Variants in MEFV observed in about 807,000 individuals in gnomAD.
MEFV encodes MEFV innate immunity regulator, pyrin.
In MEFV, 60 loss-of-function variants were observed where a neutral mutation model predicts 62.5. The observed-to-expected ratio is 0.96, with a 90% CI of 0.78 to 1.19. The LOEUF (loss-of-function observed/expected upper bound fraction) is 1.19. Among genes scored for constraint, MEFV ranks in the 50% most tolerant of loss-of-function variants. The pLI is 0.00. For missense variants in MEFV, 1,169 were observed against 1,004.5 expected (o/e 1.16, Z -2.21); for synonymous variants, 500 against 415.2 (o/e 1.20, Z -2.48).
At chr16:3,253,479 C>T (rs908626947) in intron 2 of MEFV, among the ~76,000 whole-genome samples, 1 of 152,096 alleles carries the variant, frequency 6.6e-6, no homozygotes, top group Non-Finnish European at 1.5e-5. Context: ...ACCTGATTGC[C>T]TTTTTCAATC....
chr16:3,256,408 G>A lies in MEFV; in HGVS notation c.180C>T (p.Tyr60=), dbSNP rs371505752. Residue 60 remains tyrosine, a synonymous_variant, in exon 1 of 10, where the codon TAC becomes TAT. Transcript: ENST00000219596. The stretch of plus-strand genomic sequence containing the variant: ...GCTGCACGGCGTACTCTTCCCCATA[G>A]TAGGTGACCAGCAGAGTGGCCATCT... ...PVKMATLLVT[Y]YGEEYAVQLT... is the part of the protein sequence containing the mutation. 6.2e-7 allele frequency: 1 copy of A among 1,614,206 alleles called. No individual in the cohort carries two copies. The highest frequency in any genetic ancestry group is 1.7e-5 in the Admixed American group (1 of 60,028).
rs770830323 is a variant in MEFV, at chr16:3,254,438, C to T, written c.630G>A (p.Ala210=). The T allele has an allele frequency of 4.3e-6, 7 of 1,610,784 alleles. 1 individual carries two copies. Among genetic ancestry groups the T allele is most frequent in the South Asian group, 2.2e-5 (2 of 91,032 alleles). The part of the protein sequence containing the change: ...EVRLRRNASS[A]GRLQGLAGGA... ...CCCCCGCCAGCCCCTGCAGCCTCCC[C>T]GCGGAGCTGGCGTTTCTGCGCAGCC... Residue 210 remains alanine, a synonymous_variant, in exon 2 of 10, where the codon GCG becomes GCA. Transcript: ENST00000219596.
At chr16:3,248,756 G>A in intron 4 of MEFV, 153 bp downstream of exon 4, 1 of 985,404 alleles carries the variant, frequency 1.0e-6, no homozygotes, top group Non-Finnish European at 1.2e-6. Context: ...ACAGGGATGA[G>A]CTTACCCTTG....
In MEFV at chr16:3,249,015, A is replaced by C. The variant is rs77086855; in HGVS notation, c.1261-11T>G. 1.7e-3 allele frequency: 2,675 copies of C among 1,613,874 alleles called. 31 individuals carry two copies. In the African/African-American group the frequency reaches 0.029, roughly 17 times the overall value. ...CTTCTGAATTTTCTTCTGGAAAAAC[A>C]GCACTTGTTGAAAAGCTTGAATTTG... On this transcript the variant is annotated splice_polypyrimidine_tract_variant and intron_variant, in intron 3 of 9. Coordinates refer to ENST00000219596, the MANE Select transcript of MEFV (RefSeq NM_000243.3).
At chr16:3,247,327 T>C (rs1958957746) in intron 4 of MEFV, 81 bp from the exon 5 acceptor site, 3 of 1,260,540 alleles carry the variant, frequency 2.4e-6, no homozygotes, top group Non-Finnish European at 3.4e-6. Flanking sequence ...GAAGCCCACC[T>C]CCTGGAGGTG....
chr16:3,256,074 C>T (rs1959111289), intron 1 of MEFV, among the ~76,000 whole-genome samples: 1 of 152,152 alleles, frequency 6.6e-6, no homozygotes, highest in Non-Finnish European at 1.5e-5. Flanking sequence ...TCCTGCCTTT[C>T]GTGACCCTGA....
chr16:3,244,004 T>C (rs1472744408), intron 8 of MEFV, 112 bp from the exon 9 acceptor site: 2 of 1,561,582 alleles, frequency 1.3e-6, no homozygotes. Flanking sequence ...CTTAGGGCCC[T>C]GCATGCTATG....
intron 2 of MEFV, 89 bp downstream of exon 2, chr16:3,254,069 A>C: frequency 2.1e-6 from 3 of 1,456,558 alleles, no homozygotes; most frequent in Non-Finnish European, 1.9e-6. Context: ...TGGCCTCCCA[A>C]AGCGCTGGGA....
In MEFV at chr16:3,243,365, G is replaced by A. The variant is rs104895202; in HGVS notation, c.2122C>T (p.Arg708Cys). 47 of 1,614,042 alleles carry A rather than the reference G, an allele frequency of 2.9e-5. No individual in the cohort carries two copies. The highest frequency in any genetic ancestry group is 5.0e-5 in the Admixed American group (3 of 60,006). Residue 708 changes from arginine to cysteine, a missense_variant, in exon 10 of 10, where the codon CGC becomes TGC. By Grantham distance (180) the Arg-to-Cys change is radical. Coordinates refer to ENST00000219596, the MANE Select transcript of MEFV (RefSeq NM_000243.3). ...EYQASSVPPTRLLIKEPPKRV... is the reference protein window; with the variant it reads ...EYQASSVPPTCLLIKEPPKRV... ...TTGGGAGGCTCCTTTATTAGCAGGC[G>A]GGTCGGGGGAACGCTGGACGCCTGG...
chr16:3,254,420 C>T lies in MEFV; in HGVS notation c.648G>A (p.Leu216=), dbSNP rs912301729. Residue 216 remains leucine (L), a synonymous_variant, in exon 2 of 10, where the codon CTG becomes CTA. Coordinates refer to ENST00000219596, the MANE Select transcript of MEFV (RefSeq NM_000243.3). ...NASSAGRLQG[L]AGGAPGQKEC... The stretch of plus-strand genomic sequence containing the variant: ...CCTTCTGCCCCGGGGCGCCCCCCGC[C>T]AGCCCCTGCAGCCTCCCCGCGGAGC... 7 of 1,612,232 alleles carry T rather than the reference C, an allele frequency of 4.3e-6. No homozygotes were observed. Among genetic ancestry groups the T allele is most frequent in the South Asian group, 3.3e-5 (3 of 91,072 alleles).
chr16:3,249,889 CAGTT>C, intron 2 of MEFV, 109 bp from the exon 3 acceptor site: 2 of 894,360 alleles, frequency 2.2e-6, no homozygotes, highest in Non-Finnish European at 3.6e-6. Context: ...TGCGAGTTCT[CAGTT>C]AGACTCTGCC....
chr16:3,249,211 T>C (rs1043677225), intron 3 of MEFV, among the ~76,000 whole-genome samples: 1 of 152,214 alleles, frequency 6.6e-6, no homozygotes, highest in African/African-American at 2.4e-5. Flanking sequence ...TCTGAGCCTC[T>C]GGATTCAGCC....
At chr16:3,256,181 A>G (rs1392797929) in intron 1 of MEFV, 130 bp downstream of exon 1, 6 of 1,112,450 alleles carry the variant, frequency 5.4e-6, no homozygotes, top group East Asian at 2.6e-5. Context: ...AACTAAAGTC[A>G]TCTGGATTTT....
intron 3 of MEFV, 142 bp from the exon 4 acceptor site, chr16:3,249,146 AGAG>A (rs1263254853): frequency 4.2e-5 from 36 of 865,030 alleles, no homozygotes; most frequent in Non-Finnish European, 6.4e-5. Context: ...TGCTCAGGAA[AGAG>A]GAGGGAGGAA....
intron 5 of MEFV, among the ~76,000 whole-genome samples, chr16:3,246,759 G>A (rs1226206972): frequency 5.3e-5 from 8 of 152,186 alleles, no homozygotes; most frequent in Admixed American, 5.2e-4. Flanking sequence ...GCCTGCAATG[G>A]AACGGCCCTC....
chr16:3,253,232 C>G (rs2141675682), intron 2 of MEFV, among the ~76,000 whole-genome samples: 1 of 152,242 alleles, frequency 6.6e-6, no homozygotes, highest in South Asian at 2.1e-4. Flanking sequence ...ATCATTTACA[C>G]ATTGTTATAA....
chr16:3,244,707 A>G lies in MEFV; in HGVS notation c.1611-119T>C, dbSNP rs1037252520. ...ACACCTAGCCCAGCCTGAGCTACAC[A>G]AAGAAAAGTCTTCCCTGGATTCAGA... On this transcript the variant is annotated intron_variant, in intron 6 of 9. Coordinates refer to ENST00000219596, the MANE Select transcript of MEFV (RefSeq NM_000243.3). The G allele has an allele frequency of 1.8e-5, 14 of 788,462 alleles. 1 individual carries two copies. The highest frequency in any genetic ancestry group is 1.5e-4 in the African/African-American group (9 of 59,196). The allele number at this position is 788,462 out of a possible 1,614,324, so 48.8% of individuals were successfully genotyped here. A position where few individuals can be genotyped will look rare whatever the true frequency, so the allele number is the denominator to read the frequency against.
At position 3,243,588 on chromosome 16, in the gene MEFV, C is replaced by T. The variant is rs776315170; in HGVS notation, c.1899G>A (p.Pro633=). Residue 633 remains proline, a synonymous_variant, in exon 10 of 10, where the codon CCG becomes CCA. Transcript: ENST00000219596. ...GNKWERLPDG[P]QRFDSCIIVL... ...CAATGATACAGCTGTCAAATCTTTGCGGGCCATCAGGCAGCCTCTCCCACT... is the reference window on the plus strand; with the variant it reads ...CAATGATACAGCTGTCAAATCTTTGTGGGCCATCAGGCAGCCTCTCCCACT... 13 of 1,603,076 alleles carry T rather than the reference C, an allele frequency of 8.1e-6. No individual in the cohort carries two copies. Among genetic ancestry groups the T allele is most frequent in the South Asian group, 3.3e-5 (3 of 89,972 alleles).
chr16:3,252,778 A>C (rs1437546322), intron 2 of MEFV, among the ~76,000 whole-genome samples: 1 of 114,518 alleles, frequency 8.7e-6, no homozygotes, highest in African/African-American at 3.8e-5. Context: ...TAACTACAAA[A>C]AATACAAAAA....
Sources: gnomAD v4.1 joint callset for allele counts (sites outside exome capture counted in the v4.1 genomes callset) on GRCh38, gnomAD v4.1.1 for gene constraint, MANE v1.5 for transcripts, NCBI Gene and HGNC (gene_info 2026-07-23, HGNC 2026-07-21) for gene names.